The following CSMD3 variants were observed in gnomAD, a reference collection of about 807,000 sequenced individuals.
CSMD3 encodes the protein CUB and Sushi multiple domains 3.
CSMD3 carries 177 observed loss-of-function variants against 435.2 expected under a neutral mutation model. That is an observed-to-expected ratio of 0.41 (90% CI 0.36 to 0.46). The LOEUF is 0.46. Among genes scored for constraint, CSMD3 ranks in the 20% least tolerant of loss-of-function variants. CSMD3 has a pLI of 0.34. For missense variants in CSMD3, 4,265 were observed against 4,504.6 expected, an observed-to-expected ratio of 0.95 and a Z score of 1.52; for synonymous variants, 1,656 against 1,520.5, an observed-to-expected ratio of 1.09 and a Z score of -2.07.
chr8:112,758,695 C>A (rs2077762459), intron 13 of CSMD3, among the ~76,000 whole-genome samples: 1 of 152,216 alleles, frequency 6.6e-6, no homozygotes, highest in Non-Finnish European at 1.5e-5. Flanking sequence ...TTAAGCTATT[C>A]AAGCCTCATT....
At chr8:113,280,305 C>T (rs574457395) in intron 2 of CSMD3, among the ~76,000 whole-genome samples, 3 of 151,542 alleles carry the variant, frequency 2.0e-5, no homozygotes, top group South Asian at 2.1e-4. Flanking sequence ...GACTTTTTTT[C>T]GTTGCTAATT....
rs60043040 is a variant in CSMD3 at position 113,006,271 on chromosome 8, T to G, written c.1030+12796A>C. On this transcript the variant is annotated intron_variant, in intron 6 of 70. Transcript: ENST00000297405. Reference sequence around the variant, plus strand: ...AGTCCTTTACTCTTGAAGATTTGTCTCTATATGTATTTATTTCAAGTTGAC... The same window carrying G: ...AGTCCTTTACTCTTGAAGATTTGTCGCTATATGTATTTATTTCAAGTTGAC... Among the ~76,000 whole-genome samples the G allele has an allele frequency of 7.6e-3, 1,159 of 152,118 alleles. 18 individuals are homozygous for G. Among genetic ancestry groups the G allele is most frequent in the African/African-American group, 0.027 (1,110 of 41,524 alleles).
chr8:113,236,194 T>A (rs2093146719), intron 3 of CSMD3, among the ~76,000 whole-genome samples: 1 of 152,164 alleles, frequency 6.6e-6, no homozygotes, highest in Admixed American at 6.6e-5. Flanking sequence ...CGAGCACATG[T>A]TCCAACTGCA....
intron 1 of CSMD3, among the ~76,000 whole-genome samples, chr8:113,393,206 G>A (rs1324285413): frequency 6.6e-6 from 1 of 151,818 alleles, no homozygotes; most frequent in Non-Finnish European, 1.5e-5. Context: ...TAAAGAGAAT[G>A]TTATATTTGG....
intron 50 of CSMD3, 126 bp from the exon 51 acceptor site, chr8:112,306,318 T>C: frequency 1.4e-6 from 1 of 721,110 alleles, no homozygotes; most frequent in South Asian, 1.6e-5. Flanking sequence ...TGAAACAATC[T>C]CAGAATCACA....
chr8:112,637,851 A>G (rs1238839077), intron 21 of CSMD3, among the ~76,000 whole-genome samples: 1 of 152,010 alleles, frequency 6.6e-6, no homozygotes, highest in Admixed American at 6.6e-5. Flanking sequence ...TACTTTAATG[A>G]TTTTAGCATC....
intron 13 of CSMD3, among the ~76,000 whole-genome samples, chr8:112,717,194 A>G (rs1451059097): frequency 6.6e-6 from 1 of 152,086 alleles, no homozygotes; most frequent in African/African-American, 2.4e-5. Context: ...AATATCCAGA[A>G]TCTACAAGAA....
chr8:112,704,625 C>T (rs1449108006), intron 13 of CSMD3, among the ~76,000 whole-genome samples: 1 of 151,882 alleles, frequency 6.6e-6, no homozygotes, highest in African/African-American at 2.4e-5. Context: ...TTATGCAAGA[C>T]TCTGCTTAAT....
At chr8:113,331,818 A>C (rs1052259194) in intron 1 of CSMD3, among the ~76,000 whole-genome samples, 2 of 151,774 alleles carry the variant, frequency 1.3e-5, no homozygotes, top group Non-Finnish European at 3.0e-5. Context: ...ACTGACGACC[A>C]CCATCAAATT....
chr8:113,367,014 GA>G (rs2094316364), intron 1 of CSMD3, among the ~76,000 whole-genome samples: 1 of 151,860 alleles, frequency 6.6e-6, no homozygotes. Context: ...ATGTTGAAAT[GA>G]GTACTTTTTT....
intron 5 of CSMD3, among the ~76,000 whole-genome samples, chr8:113,067,938 T>C (rs947880780): frequency 6.6e-6 from 1 of 152,022 alleles, no homozygotes; most frequent in Non-Finnish European, 1.5e-5. Flanking sequence ...TGTGCCCTGG[T>C]GGTTTGAAAC....
chr8:113,224,964 T>C (rs1030920299), intron 3 of CSMD3, among the ~76,000 whole-genome samples: 1 of 151,440 alleles, frequency 6.6e-6, no homozygotes, highest in Non-Finnish European at 1.5e-5. Context: ...AAATTTTCTA[T>C]CTCAGCAATT....
intron 23 of CSMD3, among the ~76,000 whole-genome samples, chr8:112,580,214 T>A (rs1174882612): frequency 6.6e-6 from 1 of 152,020 alleles, no homozygotes; most frequent in Non-Finnish European, 1.5e-5. Flanking sequence ...CTCTTATGAA[T>A]GTTAATTGAA....
intron 2 of CSMD3, chr8:113,312,604 T>A (rs938007036): frequency 1.2e-4 from 19 of 152,248 alleles, no homozygotes; most frequent in African/African-American, 4.3e-4. Flanking sequence ...AGAGAATAGG[T>A]ACATGTACAA....
chr8:113,248,582 T>C (rs1271688684), intron 3 of CSMD3, among the ~76,000 whole-genome samples: 1 of 148,882 alleles, frequency 6.7e-6, no homozygotes. Context: ...AATTGTTATA[T>C]ATAAATTGCC....
intron 32 of CSMD3, among the ~76,000 whole-genome samples, chr8:112,440,283 C>A (rs1814848469): frequency 6.6e-6 from 1 of 152,302 alleles, no homozygotes; most frequent in East Asian, 1.9e-4. Context: ...TCAAAATGAT[C>A]TCCATTGACT....
intron 22 of CSMD3, among the ~76,000 whole-genome samples, chr8:112,596,611 T>G (rs1403891431): frequency 1.3e-5 from 2 of 151,962 alleles, no homozygotes; most frequent in South Asian, 2.1e-4. Flanking sequence ...ACCACATACT[T>G]GGAAGTAAAG....
At chr8:112,485,973 T>C (rs567717895) in intron 31 of CSMD3, among the ~76,000 whole-genome samples, 1 of 151,182 alleles carries the variant, frequency 6.6e-6, no homozygotes, top group African/African-American at 2.4e-5. Flanking sequence ...CCAGATCTTA[T>C]ATCAGCATAT....
At chr8:113,109,452 G>C (rs1217894981) in intron 4 of CSMD3, among the ~76,000 whole-genome samples, 1 of 152,200 alleles carries the variant, frequency 6.6e-6, no homozygotes. Flanking sequence ...ACAATGGTCA[G>C]ACAGACATAG....
Sources: gnomAD v4.1 joint callset for allele counts (sites outside exome capture counted in the v4.1 genomes callset) on GRCh38, gnomAD v4.1.1 for gene constraint, MANE v1.5 for transcripts, NCBI Gene and HGNC (gene_info 2026-07-23, HGNC 2026-07-21) for gene names.